The following ORMDL3 variants were observed in gnomAD, a reference collection of about 807,000 sequenced individuals.
The protein encoded by ORMDL3 is ORM1-like protein 3.
In ORMDL3, 6 loss-of-function variants were observed where a neutral mutation model predicts 12.6. The ratio of observed to expected loss-of-function variants is 0.48; its 90% confidence interval spans 0.26 to 0.94. The LOEUF is 0.94. Among genes scored for constraint, ORMDL3 ranks in the 40% least tolerant of loss-of-function variants. The pLI, the probability that ORMDL3 is intolerant of heterozygous loss-of-function variation, is 0.14. For synonymous variants in ORMDL3, 99 were observed against 87.2 expected (o/e 1.14, Z -0.75); for missense variants, 159 against 205.5 (o/e 0.77, Z 1.38).
chr17:39,925,465 C>T (rs1247505256), intron 1 of ORMDL3: 1 of 152,216 alleles, frequency 6.6e-6, no homozygotes, highest in Non-Finnish European at 1.5e-5. Flanking sequence ...ACCGTAAGGT[C>T]ATCACCATGG....
At position 39,924,014 on chromosome 17, in the gene ORMDL3, G is replaced by A. The variant is rs1284999583; in HGVS notation, c.174+16C>T. 6 of 1,582,186 alleles carry A rather than the reference G, an allele frequency of 3.8e-6. No homozygotes were observed. The African/African-American group carries it at 8.1e-5, about 21-fold the overall frequency. ...GCAGGGGCAGGGGCAGGGGCAGGCA[G>A]CAGACAGGCTCTCACCATGTTGTGA... On this transcript the variant is annotated intron_variant, in intron 2 of 3. Coordinates refer to ENST00000304046, the MANE Select transcript of ORMDL3 (RefSeq NM_139280.4).
intron 1 of ORMDL3, chr17:39,926,094 G>A (rs1197472386): frequency 6.6e-6 from 1 of 152,206 alleles, no homozygotes; most frequent in Non-Finnish European, 1.5e-5. Context: ...TCTGTAACCC[G>A]CACCTACAGG....
At chr17:39,926,225 A>G (rs1978409303) in intron 1 of ORMDL3, 2 of 152,202 alleles carry the variant, frequency 1.3e-5, no homozygotes, top group Non-Finnish European at 2.9e-5. Flanking sequence ...GGCAGCCAAC[A>G]AAACTTGATG....
rs374776776 is a variant in ORMDL3, at chr17:39,926,806, C to T, written c.-23+678G>A. ...CTCCCCCAGGAAAGAGCAGCCCTCA[C>T]AACAGCAAACCTCCTGTCTTCTGGA... is the stretch of plus-strand genomic sequence containing the variant. On this transcript the variant is annotated intron_variant, in intron 1 of 3. Coordinates refer to ENST00000304046, the MANE Select transcript of ORMDL3 (RefSeq NM_139280.4). The T allele has an allele frequency of 2.8e-4, 274 of 986,202 alleles. 2 individuals are homozygous for T. In the South Asian group the frequency reaches 0.01, roughly 37 times the overall value. 61.1% of individuals were successfully genotyped at this position (986,202 alleles called of 1,614,324 possible). A position where few individuals can be genotyped will look rare whatever the true frequency, so the allele number is the denominator to read the frequency against.
At chr17:39,927,088 G>A in intron 1 of ORMDL3, 5 of 854,424 alleles carry the variant, frequency 5.9e-6, no homozygotes, top group Non-Finnish European at 5.6e-6. Flanking sequence ...TTTTCTGAGT[G>A]AGACCTCGGG....
In ORMDL3 at chr17:39,922,601, G is replaced by A. The variant is rs1448889095; in HGVS notation, c.411C>T (p.Pro137=). 1.2e-6 allele frequency: 2 copies of A among 1,614,012 alleles called. No individual in the cohort carries two copies. Among genetic ancestry groups the A allele is most frequent in the Non-Finnish European group, 1.7e-6 (2 of 1,180,032 alleles). ...GGACTCCGTGGAGCTGGGGCAGCTT[G>A]GGGATAAGCACGCTCATCAGGGACA... ...NTVSLMSVLI[P]KLPQLHGVRI... Residue 137 remains proline (P), a synonymous_variant, in exon 4 of 4, where the codon CCC becomes CCT. Coordinates refer to ENST00000304046, the MANE Select transcript of ORMDL3 (RefSeq NM_139280.4).
In ORMDL3 at chr17:39,923,370, C is replaced by A. The variant is rs111810120; in HGVS notation, c.175-107G>T. 2,793 of 1,306,038 alleles carry A rather than the reference C, an allele frequency of 2.1e-3. 44 individuals are homozygous for A. The African/African-American group carries it at 0.035, about 16-fold the overall frequency. The allele number at this position is 1,306,038 out of a possible 1,614,324, so 80.9% of individuals were successfully genotyped here. On this transcript the variant is annotated intron_variant, in intron 2 of 3. Transcript: ENST00000304046. The stretch of plus-strand genomic sequence containing the variant: ...TAACTCCCAGTGATCTGGAGCCTCC[C>A]TCTGCTGGGCAGGGGGATATGGGCT...
At chr17:39,926,488 G>A (rs1978427399) in intron 1 of ORMDL3, 1 of 152,378 alleles carries the variant, frequency 6.6e-6, no homozygotes, top group Admixed American at 6.5e-5. Flanking sequence ...AGAGAGAAGA[G>A]GCTGGCAGAG....
chr17:39,922,598 C>G lies in ORMDL3; in HGVS notation c.414G>C (p.Lys138Asn). The G allele has an allele frequency of 6.2e-7, 1 of 1,614,112 alleles. No homozygotes were observed. Among genetic ancestry groups the G allele is most frequent in the South Asian group, 1.1e-5 (1 of 91,086 alleles). ...TCCGGACTCCGTGGAGCTGGGGCAG[C>G]TTGGGGATAAGCACGCTCATCAGGG... ...TVSLMSVLIP[K>N]LPQLHGVRIF... is the part of the protein sequence containing the mutation. The change falls in exon 4 of 4, where the codon AAG (lysine) becomes AAC (asparagine). Residue 138 changes from lysine (K) to asparagine (N), a missense_variant. By Grantham distance (94) the Lys-to-Asn change is moderately conservative (BLOSUM62 0). Coordinates refer to ENST00000304046, the MANE Select transcript of ORMDL3 (RefSeq NM_139280.4).
At position 39,922,665 on chromosome 17, in the gene ORMDL3, T is replaced by C; in HGVS notation, c.347A>G (p.Tyr116Cys). The C allele has an allele frequency of 1.2e-6, 2 of 1,613,670 alleles. No homozygotes were observed. The highest frequency in any genetic ancestry group is 2.2e-5 in the South Asian group (2 of 91,062). ...PIVLYFLTSF[Y>C]TKYDQIHFVL... is the part of the protein sequence containing the mutation. ...AAAATGGATCTGGTCGTACTTAGTG[T>C]AGAAGCTGGTGAGGAAGTACCTGGG... Residue 116 changes from tyrosine (Y) to cysteine (C), a missense_variant, in exon 4 of 4, where the codon TAC (tyrosine) becomes TGC (cysteine). Coordinates refer to ENST00000304046, the MANE Select transcript of ORMDL3 (RefSeq NM_139280.4).
At chr17:39,925,000 C>T (rs1429499496) in intron 1 of ORMDL3, among the ~76,000 whole-genome samples, 1 of 152,166 alleles carries the variant, frequency 6.6e-6, no homozygotes, top group African/African-American at 2.4e-5. Flanking sequence ...CACTGCCAAA[C>T]CACCAGGGCC....
intron 1 of ORMDL3, chr17:39,926,976 A>C: frequency 1.0e-6 from 1 of 985,656 alleles, no homozygotes; most frequent in Non-Finnish European, 1.2e-6. Context: ...AGCCACCCCG[A>C]CTGGGGGAGG....
chr17:39,926,029 A>T (rs1246564972), intron 1 of ORMDL3: 1 of 151,856 alleles, frequency 6.6e-6, no homozygotes, highest in Non-Finnish European at 1.5e-5. Flanking sequence ...AACTCTGACT[A>T]AGGAGAGGGA....
intron 2 of ORMDL3, 118 bp from the exon 3 acceptor site, chr17:39,923,381 A>AG (rs1978312776): frequency 8.3e-7 from 1 of 1,200,700 alleles, no homozygotes; most frequent in African/African-American, 1.5e-5. Flanking sequence ...TCTGCTGGGC[A>AG]GGGGGATATG....
At chr17:39,925,505 A>G (rs1978361634) in intron 1 of ORMDL3, 2 of 152,240 alleles carry the variant, frequency 1.3e-5, no homozygotes, top group Admixed American at 1.3e-4. Context: ...GGGAATGCAG[A>G]AAAGAGTCCC....
chr17:39,925,876 C>A (rs995109346), intron 1 of ORMDL3: 21 of 152,242 alleles, frequency 1.4e-4, no homozygotes, highest in African/African-American at 5.1e-4. Flanking sequence ...TCTAGAAAGC[C>A]AGAGCTGGCT....
rs1255052179 is a variant in ORMDL3, at chr17:39,922,671, C to G, written c.341G>C (p.Ser114Thr). Residue 114 changes from serine (S) to threonine (T), a missense_variant, in exon 4 of 4, where the codon AGC becomes ACC. Physicochemically the swap from Ser to Thr is moderately conservative, Grantham distance 58. Transcript: ENST00000304046. ...GATCTGGTCGTACTTAGTGTAGAAG[C>G]TGGTGAGGAAGTACCTGGGAGGGGA... Reference protein sequence around the residue: ...ITPIVLYFLTSFYTKYDQIHF... With the variant: ...ITPIVLYFLTTFYTKYDQIHF... 3.6e-5 allele frequency: 58 copies of G among 1,613,268 alleles called. No homozygotes were observed. Among genetic ancestry groups the G allele is most frequent in the Non-Finnish European group, 4.9e-5 (58 of 1,179,652 alleles).
chr17:39,923,992 G>GGGGCA (rs1978319552), intron 2 of ORMDL3, 38 bp downstream of exon 2: 1 of 1,540,278 alleles, frequency 6.5e-7, no homozygotes. Flanking sequence ...CCACAGGGCA[G>GGGGCA]GGGCAGGGGC....
At chr17:39,923,986 AGGGCAGGGGCAG>A (rs535595787) in intron 2 of ORMDL3, 32 bp downstream of exon 2, 803 of 1,532,876 alleles carry the variant, frequency 5.2e-4, no homozygotes, top group Middle Eastern at 1.4e-3. Flanking sequence ...GGCAGCCCAC[AGGGCAGGGGCAG>A]GGGCAGGGGC....
Sources: allele counts gnomAD v4.1 joint callset (sites outside exome capture counted in the v4.1 genomes callset), GRCh38; gene constraint gnomAD v4.1.1; transcripts MANE v1.5; gene names NCBI Gene and HGNC (gene_info 2026-07-23, HGNC 2026-07-21).